AGMO: variants seen among roughly 807,000 people sequenced by gnomAD.
AGMO encodes the protein alkylglycerol monooxygenase, also known as glyceryl-ether monooxygenase.
A neutral mutation model predicts 60.2 loss-of-function variants in AGMO; 75 were observed. The observed-to-expected ratio is 1.25, with a 90% CI of 1.03 to 1.51. The LOEUF (loss-of-function observed/expected upper bound fraction) is 1.51. Among genes scored for constraint, AGMO ranks in the 40% most tolerant of loss-of-function variants. The pLI, the probability that AGMO is intolerant of heterozygous loss-of-function variation, is 0.00. For synonymous variants in AGMO, 261 were observed against 177.1 expected (o/e 1.47, Z -3.76); for missense variants, 763 against 525.5 (o/e 1.45, Z -4.42).
chr7:15,335,407 A>G (rs1781625836), intron 12 of AGMO, among the ~76,000 whole-genome samples: 1 of 152,160 alleles, frequency 6.6e-6, no homozygotes, highest in South Asian at 2.1e-4. Context: ...TCTAAGTGGA[A>G]ATATTTCTTC....
intron 12 of AGMO, among the ~76,000 whole-genome samples, chr7:15,295,137 T>A (rs1250347246): frequency 6.6e-6 from 1 of 151,780 alleles, no homozygotes; most frequent in Non-Finnish European, 1.5e-5. Context: ...CATATAAAAT[T>A]AATAGCTACA....
chr7:15,462,248 C>G (rs1339209505), intron 3 of AGMO, among the ~76,000 whole-genome samples: 1 of 152,086 alleles, frequency 6.6e-6, no homozygotes, highest in South Asian at 2.1e-4. Context: ...AGCTCAAGAA[C>G]TGTCAGTTGA....
At chr7:15,360,175 C>T (rs1051365307) in intron 12 of AGMO, among the ~76,000 whole-genome samples, 12 of 152,104 alleles carry the variant, frequency 7.9e-5, no homozygotes, top group Admixed American at 1.3e-4. Flanking sequence ...TCTCATTATG[C>T]AGAAGAGAAA....
At chr7:15,348,075 A>G (rs116953524) in intron 12 of AGMO, among the ~76,000 whole-genome samples, 3,930 of 152,152 alleles carry the variant, frequency 0.026, 63 homozygotes, top group Middle Eastern at 0.037. Flanking sequence ...TTGGATGTTT[A>G]TCATGTTATT....
At chr7:15,243,503 G>A (rs976383010) in intron 12 of AGMO, among the ~76,000 whole-genome samples, 1 of 152,058 alleles carries the variant, frequency 6.6e-6, no homozygotes, top group Non-Finnish European at 1.5e-5. Flanking sequence ...GCGTATGACG[G>A]ATAGCTATGG....
chr7:15,556,129 T>G (rs1785127331), intron 2 of AGMO, among the ~76,000 whole-genome samples: 1 of 151,192 alleles, frequency 6.6e-6, no homozygotes, highest in Non-Finnish European at 1.5e-5. Flanking sequence ...GCCCCTAGTA[T>G]AAAAACCCAG....
chr7:15,530,764 T>C (rs1199564138), intron 3 of AGMO, among the ~76,000 whole-genome samples: 3 of 139,314 alleles, frequency 2.2e-5, no homozygotes, highest in Non-Finnish European at 3.1e-5. Flanking sequence ...ATATTCTATA[T>C]ATACATTTCT....
intron 3 of AGMO, among the ~76,000 whole-genome samples, chr7:15,443,553 A>G (rs761722418): frequency 1.3e-5 from 2 of 152,074 alleles, no homozygotes; most frequent in Non-Finnish European, 2.9e-5. Flanking sequence ...TTCTATAACT[A>G]CTTCCCTAGA....
chr7:15,551,235 G>T (rs940255729), intron 2 of AGMO, among the ~76,000 whole-genome samples: 21 of 152,232 alleles, frequency 1.4e-4, no homozygotes, highest in African/African-American at 4.6e-4. Flanking sequence ...AAAACTGGAA[G>T]CATTCCCTTT....
chr7:15,161,699 G>C, the AGMO span, among the ~76,000 whole-genome samples: 16 of 150,890 alleles, frequency 1.1e-4, no homozygotes, highest in Admixed American at 7.3e-4. Context: ...ATATATGTGT[G>C]TGTGTATACA....
the AGMO span, among the ~76,000 whole-genome samples, chr7:15,128,438 A>G: frequency 2.6e-5 from 4 of 152,260 alleles, no homozygotes; most frequent in African/African-American, 4.8e-5. Flanking sequence ...GTCACTTATC[A>G]GTGCCTATAA....
At chr7:15,436,649 A>T (rs1445828457) in intron 3 of AGMO, among the ~76,000 whole-genome samples, 1 of 152,212 alleles carries the variant, frequency 6.6e-6, no homozygotes, top group Non-Finnish European at 1.5e-5. Flanking sequence ...ATAAAATTGA[A>T]AGTAAGAATG....
chr7:15,392,590 G>A (rs1197301275), intron 6 of AGMO, among the ~76,000 whole-genome samples: 1 of 152,138 alleles, frequency 6.6e-6, no homozygotes, highest in Non-Finnish European at 1.5e-5. Flanking sequence ...CATGAGATCA[G>A]GAGTTTGAAA....
At chr7:15,470,676 G>A (rs191579371) in intron 3 of AGMO, among the ~76,000 whole-genome samples, 48 of 151,534 alleles carry the variant, frequency 3.2e-4, no homozygotes, top group African/African-American at 1.1e-3. Context: ...TACTTTCCTG[G>A]TTTTTTTCAC....
intron 3 of AGMO, among the ~76,000 whole-genome samples, chr7:15,532,292 T>C (rs1465486070): frequency 3.3e-5 from 5 of 152,202 alleles, no homozygotes; most frequent in Non-Finnish European, 7.3e-5. Context: ...TGAAAATTTT[T>C]AATTTTATTA....
At chr7:15,441,752 T>A (rs1164775111) in intron 3 of AGMO, among the ~76,000 whole-genome samples, 2 of 152,072 alleles carry the variant, frequency 1.3e-5, no homozygotes, top group African/African-American at 4.8e-5. Flanking sequence ...AGCTACGGAA[T>A]CCATTTTGAA....
At chr7:15,401,772 G>C (rs1008045902) in intron 5 of AGMO, among the ~76,000 whole-genome samples, 5 of 152,064 alleles carry the variant, frequency 3.3e-5, no homozygotes, top group Admixed American at 6.6e-5. Context: ...ATCCTAAAAA[G>C]CATGTGTTTT....
At chr7:15,560,532 A>T (rs1012900862) in intron 1 of AGMO, among the ~76,000 whole-genome samples, 1 of 152,154 alleles carries the variant, frequency 6.6e-6, no homozygotes, top group African/African-American at 2.4e-5. Context: ...GATAATTATA[A>T]TATTATAAGA....
chr7:15,392,770 G>A (rs932633612), intron 6 of AGMO, among the ~76,000 whole-genome samples: 2 of 151,712 alleles, frequency 1.3e-5, no homozygotes, highest in Non-Finnish European at 2.9e-5. Context: ...CTACACTCCA[G>A]CCTGGGCGAC....
Sources: allele counts gnomAD v4.1 joint callset (sites outside exome capture counted in the v4.1 genomes callset), GRCh38; gene constraint gnomAD v4.1.1; transcripts MANE v1.5; gene names NCBI Gene and HGNC (gene_info 2026-07-23, HGNC 2026-07-21).